Variants in RPS6KA2 observed in about 807,000 individuals in gnomAD.
The protein encoded by RPS6KA2 is ribosomal protein S6 kinase A2, also known as ribosomal protein S6 kinase alpha-2.
Under a neutral mutation model 91.8 loss-of-function variants are expected in RPS6KA2, and 42 were observed. The ratio of observed to expected loss-of-function variants is 0.46; its 90% CI spans 0.36 to 0.59. The LOEUF is 0.59. RPS6KA2 is among the 20% of genes least tolerant of loss of function. The pLI is 0.00. For synonymous variants in RPS6KA2, 414 were observed against 393.6 expected (o/e 1.05, Z -0.61); for missense variants, 798 against 978.5 (o/e 0.82, Z 2.46).
rs79473328 is a variant in RPS6KA2, at chr6:166,563,034, G to T, written c.100-24250C>A. ...AAAGGTAACATCCAAGTCACAACAG[G>T]AGTCCAGAGGGTCCTGAGTGTGGGA... On this transcript the variant is annotated intron_variant, in intron 1 of 20. Transcript: ENST00000265678. This position sits in a 1 kb window ranked among gnomAD's most constrained non-coding sequence, Gnocchi z 4.1. Among the ~76,000 whole-genome samples the T allele has an allele frequency of 0.011, 1,729 of 152,334 alleles. 8 individuals carry two copies. The highest frequency in any genetic ancestry group is 0.016 in the Non-Finnish European group (1,100 of 68,034).
intron 2 of RPS6KA2, among the ~76,000 whole-genome samples, chr6:166,846,698 A>G (rs1303629880): frequency 1.3e-5 from 2 of 152,202 alleles, no homozygotes; most frequent in Non-Finnish European, 2.9e-5. Context: ...TTGGCATAGA[A>G]GGGGCATTCC....
intron 2 of RPS6KA2, among the ~76,000 whole-genome samples, chr6:166,740,554 G>A (rs1046231529): frequency 1.3e-5 from 2 of 152,180 alleles, no homozygotes; most frequent in African/African-American, 4.8e-5. Flanking sequence ...AGTGGGAATA[G>A]CTTCTTTAAA....
chr6:166,568,606 C>A (rs1583287344), intron 1 of RPS6KA2, among the ~76,000 whole-genome samples: 1 of 100,148 alleles, frequency 1.0e-5, no homozygotes, highest in African/African-American at 4.0e-5. Context: ...ACAACAAGAG[C>A]AAAACTCCAT....
chr6:166,610,410 G>A (rs149922721), intron 1 of RPS6KA2, among the ~76,000 whole-genome samples: 2 of 152,338 alleles, frequency 1.3e-5, no homozygotes, highest in East Asian at 3.9e-4. Flanking sequence ...CCCATCGGCT[G>A]TAGCAAAAAT....
chr6:166,417,895 A>G (rs1778591589), intron 19 of RPS6KA2, among the ~76,000 whole-genome samples: 1 of 151,950 alleles, frequency 6.6e-6, no homozygotes, highest in South Asian at 2.1e-4. Context: ...GTGAAACAAA[A>G]AAGTTTTAGT....
chr6:166,620,928 C>T (rs1786602981), intron 1 of RPS6KA2, among the ~76,000 whole-genome samples: 2 of 152,152 alleles, frequency 1.3e-5, no homozygotes, highest in South Asian at 4.1e-4. Context: ...AGGCACTTCC[C>T]ACGGCAGGAG....
chr6:166,774,279 G>A (rs1412442907), intron 2 of RPS6KA2, among the ~76,000 whole-genome samples: 13 of 152,200 alleles, frequency 8.5e-5, no homozygotes, highest in Admixed American at 2.0e-4. Context: ...TGAAGATTGT[G>A]CACGTTCCTC....
chr6:166,771,753 G>A (rs1056799613), intron 2 of RPS6KA2, among the ~76,000 whole-genome samples: 5 of 152,200 alleles, frequency 3.3e-5, no homozygotes, highest in Admixed American at 6.5e-5. Context: ...AAGACAGAGC[G>A]TTGGAATCAC....
chr6:166,528,313 T>G (rs545446167), intron 3 of RPS6KA2, among the ~76,000 whole-genome samples: 2 of 152,114 alleles, frequency 1.3e-5, no homozygotes, highest in South Asian at 4.1e-4. Flanking sequence ...AAACAAGAAA[T>G]GGGGAAAGGA....
intron 1 of RPS6KA2, among the ~76,000 whole-genome samples, chr6:166,552,141 G>C (rs1322664679): frequency 6.6e-6 from 1 of 152,206 alleles, no homozygotes; most frequent in African/African-American, 2.4e-5. Flanking sequence ...AACACTTACA[G>C]GGGAACTCAG....
In RPS6KA2 at chr6:166,504,200, G is replaced by A. The variant is rs560089197; in HGVS notation, c.566+306C>T. Among the ~76,000 whole-genome samples, 7 of 152,346 alleles carry A rather than the reference G, an allele frequency of 4.6e-5. No homozygotes were observed. The South Asian group carries it at 1.4e-3, about 32-fold the overall frequency. The stretch of plus-strand genomic sequence containing the variant: ...GGGAATGTGGGTCAGGGTCGTGGGC[G>A]TGCCCCTCCCCAGCTCCGGCTTCCC... On this transcript the variant is annotated intron_variant, in intron 6 of 20. Coordinates refer to ENST00000265678, the MANE Select transcript of RPS6KA2 (RefSeq NM_021135.6).
chr6:166,449,480 C>T (rs1779782423), intron 13 of RPS6KA2, among the ~76,000 whole-genome samples: 2 of 152,074 alleles, frequency 1.3e-5, no homozygotes, highest in Non-Finnish European at 2.9e-5. Flanking sequence ...AAGTTTAACC[C>T]CTTAGAATTC....
At chr6:166,688,788 C>T (rs1202517270) in intron 2 of RPS6KA2, among the ~76,000 whole-genome samples, 1 of 152,252 alleles carries the variant, frequency 6.6e-6, no homozygotes, top group East Asian at 1.9e-4. Context: ...CCTCTTTCCA[C>T]ACCTTCATGT....
chr6:166,690,044 G>A (rs937637011), intron 2 of RPS6KA2, among the ~76,000 whole-genome samples: 18 of 152,310 alleles, frequency 1.2e-4, no homozygotes, highest in South Asian at 1.0e-3. Flanking sequence ...GCATGGCTCC[G>A]GTCTAGGGAT....
chr6:166,648,167 C>CACACAT lies in RPS6KA2; in HGVS notation c.124-109384_124-109383insATGTGT, dbSNP rs1787718737. On this transcript the variant is annotated intron_variant, in intron 2 of 21. Coordinates refer to the RPS6KA2 transcript ENST00000503859. The surrounding 1 kb of genome is among the most constrained non-coding windows in gnomAD (Gnocchi z 4.8). ...ACGCACATGGTTACACACCCATGCA[C>CACACAT]ACATGCTCACACACATGCACACATG... 6.8e-6 allele frequency among the ~76,000 whole-genome samples: 1 copy of CACACAT among 147,516 alleles called. No individual in the cohort carries two copies. The highest frequency in any genetic ancestry group is 1.5e-5 in the Non-Finnish European group (1 of 65,954).
chr6:166,566,306 G>A (rs908214042), intron 1 of RPS6KA2, among the ~76,000 whole-genome samples: 2 of 152,226 alleles, frequency 1.3e-5, no homozygotes, highest in African/African-American at 2.4e-5. Flanking sequence ...GAAATCCCAG[G>A]CTGCTCCTTG....
chr6:166,860,889 C>A (rs1223547946), intron 1 of RPS6KA2, among the ~76,000 whole-genome samples: 1 of 152,188 alleles, frequency 6.6e-6, no homozygotes, highest in East Asian at 1.9e-4. Flanking sequence ...ATCCTCAACA[C>A]CAAGAACAAC....
At chr6:166,690,505 A>C (rs182568519) in intron 2 of RPS6KA2, among the ~76,000 whole-genome samples, 81 of 152,342 alleles carry the variant, frequency 5.3e-4, no homozygotes, top group African/African-American at 1.8e-3. Flanking sequence ...AGCTTTACAC[A>C]GTTCTCGGGA....
intron 2 of RPS6KA2, among the ~76,000 whole-genome samples, chr6:166,789,287 G>A (rs1355416679): frequency 6.6e-6 from 1 of 152,196 alleles, no homozygotes; most frequent in African/African-American, 2.4e-5. Context: ...AGATCAAACT[G>A]CAAGGCTGCA....
Sources: gnomAD v4.1 joint callset for allele counts (sites outside exome capture counted in the v4.1 genomes callset) on GRCh38, gnomAD v4.1.1 for gene constraint, Gnocchi (gnomAD v3.1) non-coding constraint, MANE v1.5 for transcripts, NCBI Gene and HGNC (gene_info 2026-07-23, HGNC 2026-07-21) for gene names.